The following HMBOX1 variants were observed in gnomAD, a reference collection of about 807,000 sequenced individuals.
HMBOX1 encodes homeobox containing 1.
A neutral mutation model predicts 54.5 loss-of-function variants in HMBOX1; 14 were observed. The ratio of observed to expected loss-of-function variants is 0.26; its 90% confidence interval spans 0.17 to 0.40. The LOEUF is 0.40. Ranked by LOEUF, HMBOX1 falls within the 10% of genes least tolerant of loss-of-function variation. The pLI, the probability that HMBOX1 is intolerant of heterozygous loss-of-function variation, is 1.00. For synonymous variants in HMBOX1, 160 were observed against 181.0 expected, an observed-to-expected ratio of 0.88 and a Z score of 0.93; for missense variants, 332 against 514.4, an observed-to-expected ratio of 0.65 and a Z score of 3.43.
At chr8:28,973,813 T>TTTTTTTTTTTTTTTTTG (rs1827891744) in intron 3 of HMBOX1, among the ~76,000 whole-genome samples, 3 of 35,030 alleles carry the variant, frequency 8.6e-5, no homozygotes, top group African/African-American at 1.1e-4. Context: ...GTTTTTTTTT[T>TTTTTTTTTTTTTTTTTG]TTTTTTTTTT....
intron 6 of HMBOX1, among the ~76,000 whole-genome samples, chr8:29,036,225 G>T (rs1803842335): frequency 6.6e-6 from 1 of 152,186 alleles, no homozygotes; most frequent in Admixed American, 6.5e-5. Flanking sequence ...CCTGGGGAAA[G>T]AAAAACTTTA....
At chr8:29,042,821 C>A in intron 6 of HMBOX1, 2 of 389,160 alleles carry the variant, frequency 5.1e-6, no homozygotes, top group Non-Finnish European at 1.0e-5. Flanking sequence ...GAGGTGAAGC[C>A]CAAAGAGGAA....
intron 5 of HMBOX1, among the ~76,000 whole-genome samples, chr8:29,012,308 G>C (rs1357785284): frequency 6.6e-6 from 1 of 152,200 alleles, no homozygotes; most frequent in East Asian, 1.9e-4. Context: ...TTATAGGACA[G>C]CAGATCCTTC....
chr8:28,987,985 T>G (rs1563531836), intron 4 of HMBOX1, among the ~76,000 whole-genome samples: 2 of 152,224 alleles, frequency 1.3e-5, no homozygotes. Flanking sequence ...GTTTCTGAGT[T>G]GTACCAAACT....
chr8:29,045,556 C>A, intron 7 of HMBOX1, 113 bp downstream of exon 7: 1 of 790,066 alleles, frequency 1.3e-6, no homozygotes, highest in Non-Finnish European at 2.2e-6. Context: ...CCGGCTCAGT[C>A]TGTGCCATCC....
Position 29,045,398 on chromosome 8 carries a change from A to C in HMBOX1, c.889A>C (p.Arg297=), listed in dbSNP as rs758661031. The part of the protein sequence containing the change: ...NENQYPDEAK[R]EEIANACNAV... ...GAATCAATACCCAGATGAAGCAAAG[A>C]GGGAAGAAATTGCAAACGCTTGCAA... Residue 297 remains arginine (R), a synonymous_variant, in exon 7 of 10, where the codon AGG becomes CGG. Transcript: ENST00000287701. 9 of 1,614,224 alleles carry C rather than the reference A, an allele frequency of 5.6e-6. No individual in the cohort carries two copies. Among genetic ancestry groups the C allele is most frequent in the Non-Finnish European group, 7.6e-6 (9 of 1,180,002 alleles).
intron 6 of HMBOX1, among the ~76,000 whole-genome samples, chr8:29,032,857 G>GTCT: frequency 6.6e-6 from 1 of 152,304 alleles, no homozygotes; most frequent in African/African-American, 2.4e-5. Context: ...CAAGGTGGGA[G>GTCT]ATACGGTAGT....
Position 28,900,254 on chromosome 8 carries a change from C to CA in HMBOX1, c.-58+9594dup, listed in dbSNP as rs1215445461. ...TGGGCTACAGAGCAAGATTCCGTCTCAAAAAAAAAAAAAAAAAATATATAT... is the reference window on the plus strand; with the variant it reads ...TGGGCTACAGAGCAAGATTCCGTCTCAAAAAAAAAAAAAAAAAAATATATAT... On this transcript the variant is annotated intron_variant, in intron 1 of 9. Coordinates refer to ENST00000287701, the MANE Select transcript of HMBOX1 (RefSeq NM_001135726.3). Among the ~76,000 whole-genome samples, 673 of 94,878 alleles carry CA rather than the reference C, an allele frequency of 7.1e-3. 9 individuals are homozygous for CA. The highest frequency in any genetic ancestry group is 9.9e-3 in the Non-Finnish European group (508 of 51,338). 62.2% of individuals were successfully genotyped at this position (94,878 alleles called of 152,430 possible).
chr8:29,033,398 C>G (rs1336685731), intron 6 of HMBOX1, among the ~76,000 whole-genome samples: 1 of 152,156 alleles, frequency 6.6e-6, no homozygotes, highest in Non-Finnish European at 1.5e-5. Context: ...AAATAGACAG[C>G]AGGAGCCTGG....
chr8:28,957,485 C>G (rs972936632), intron 1 of HMBOX1, among the ~76,000 whole-genome samples: 1 of 152,116 alleles, frequency 6.6e-6, no homozygotes, highest in African/African-American at 2.4e-5. Context: ...GTGATGGGTT[C>G]AGTTGTACCC....
intron 3 of HMBOX1, among the ~76,000 whole-genome samples, chr8:28,971,086 CTTTTTTT>C (rs146543031): frequency 1.2e-5 from 1 of 83,212 alleles, no homozygotes; most frequent in East Asian, 3.5e-4. Flanking sequence ...AAGAAATCTA[CTTTTTTT>C]TTTTTTTTTT....
At chr8:29,042,564 G>C (rs965378151) in intron 6 of HMBOX1, 10 of 447,262 alleles carry the variant, frequency 2.2e-5, no homozygotes, top group African/African-American at 1.2e-4. Context: ...CAACAGAAAT[G>C]AGGGTTCCAG....
At chr8:28,935,351 T>C (rs1012550446) in intron 1 of HMBOX1, among the ~76,000 whole-genome samples, 1 of 152,130 alleles carries the variant, frequency 6.6e-6, no homozygotes, top group Non-Finnish European at 1.5e-5. Flanking sequence ...CTTAAGACTG[T>C]GTGATGTTAG....
Position 29,009,119 on chromosome 8 carries a change from G to T in HMBOX1, c.634G>T (p.Asp212Tyr). ...TCATTGGCTGTTGCAGCAGGGATCA[G>T]ACCTGAGTGAACAGAAGAAAAGAGC... ...ISHWLLQQGS[D>Y]LSEQKKRAFY... Residue 212 changes from aspartate to tyrosine, a missense_variant, in exon 5 of 10, where the codon GAC becomes TAC. Transcript: ENST00000287701. 1 of 1,613,716 alleles carries T rather than the reference G, an allele frequency of 6.2e-7. No homozygotes were observed. The highest frequency in any genetic ancestry group is 8.5e-7 in the Non-Finnish European group (1 of 1,179,656).
chr8:28,910,459 T>C (rs557518297), intron 1 of HMBOX1, among the ~76,000 whole-genome samples: 8 of 152,346 alleles, frequency 5.3e-5, no homozygotes, highest in Middle Eastern at 3.4e-3. Context: ...ATGGTATCTA[T>C]GTTTAGCTTT....
intron 6 of HMBOX1, among the ~76,000 whole-genome samples, chr8:29,036,997 C>G (rs1586638466): frequency 6.6e-6 from 1 of 152,206 alleles, no homozygotes; most frequent in South Asian, 2.1e-4. Context: ...CAAGAATTCA[C>G]TTTCTCATGT....
intron 1 of HMBOX1, among the ~76,000 whole-genome samples, chr8:28,959,654 A>T (rs542543639): frequency 1.4e-4 from 21 of 152,142 alleles, no homozygotes; most frequent in Non-Finnish European, 2.9e-4. Flanking sequence ...TACCTTTATT[A>T]GGTTTGCTGT....
intron 4 of HMBOX1, among the ~76,000 whole-genome samples, chr8:28,983,004 C>T (rs1462866657): frequency 6.6e-6 from 1 of 152,198 alleles, no homozygotes; most frequent in African/African-American, 2.4e-5. Flanking sequence ...AGGTGTGAGC[C>T]ACCGCACCCG....
At chr8:28,982,190 G>A (rs1374785412) in intron 4 of HMBOX1, among the ~76,000 whole-genome samples, 7 of 152,248 alleles carry the variant, frequency 4.6e-5, no homozygotes, top group East Asian at 1.9e-4. Flanking sequence ...CCGAGATCGC[G>A]CCACTGCACT....
Sources: allele counts gnomAD v4.1 joint callset (sites outside exome capture counted in the v4.1 genomes callset), GRCh38; gene constraint gnomAD v4.1.1; transcripts MANE v1.5; gene names NCBI Gene and HGNC (gene_info 2026-07-23, HGNC 2026-07-21).